Variants in PACRG observed in about 807,000 individuals in gnomAD.
The protein encoded by PACRG is parkin coregulated.
A neutral mutation model predicts 29.7 loss-of-function variants in PACRG; 29 were observed. That is an observed-to-expected ratio of 0.98 (90% confidence interval 0.73 to 1.33). The LOEUF (loss-of-function observed/expected upper bound fraction) is 1.33. PACRG is among the 40% of genes most tolerant of loss of function. PACRG has a pLI of 0.00. For synonymous variants in PACRG, 116 were observed against 118.7 expected (o/e 0.98, Z 0.15); for missense variants, 279 against 316.2 (o/e 0.88, Z 0.89).
chr6:162,822,894 T>TTATAACATATATGTATATGTATAACA (rs1787960688), intron 2 of PACRG, among the ~76,000 whole-genome samples: 1 of 152,176 alleles, frequency 6.6e-6, no homozygotes, highest in Non-Finnish European at 1.5e-5. Flanking sequence ...ATAACATGTA[T>TTATAACATATATGTATATGTATAACA]TATAACATAT....
intron 2 of PACRG, among the ~76,000 whole-genome samples, chr6:162,883,305 T>C (rs565418121): frequency 4.9e-4 from 74 of 152,324 alleles, no homozygotes; most frequent in African/African-American, 1.8e-3. Flanking sequence ...ATGACACAGC[T>C]TGTTGGGGCC....
At chr6:163,192,182 C>G (rs1002505806) in intron 4 of PACRG, among the ~76,000 whole-genome samples, 2 of 152,134 alleles carry the variant, frequency 1.3e-5, no homozygotes, top group Non-Finnish European at 2.9e-5. Flanking sequence ...GGGAGAAAAT[C>G]TGTAGTGAAT....
At chr6:163,297,542 A>G (rs1395292589) in intron 4 of PACRG, among the ~76,000 whole-genome samples, 1 of 152,126 alleles carries the variant, frequency 6.6e-6, no homozygotes, top group East Asian at 1.9e-4. Context: ...GGCTTCCTAG[A>G]GCTCAAGAGC....
chr6:162,947,625 T>TATATATATATATATATATAATC (rs1799317159), intron 2 of PACRG, among the ~76,000 whole-genome samples: 1 of 53,386 alleles, frequency 1.9e-5, no homozygotes, highest in Non-Finnish European at 3.6e-5. Flanking sequence ...TATATATATA[T>TATATATATATATATATATAATC]ATATATATAT....
intron 4 of PACRG, among the ~76,000 whole-genome samples, chr6:163,207,310 A>G (rs1409612187): frequency 6.6e-6 from 1 of 152,198 alleles, no homozygotes; most frequent in Non-Finnish European, 1.5e-5. Context: ...ACCACAGCCT[A>G]TTAAGTTTCT....
chr6:162,824,343 T>C (rs1375803708), intron 2 of PACRG, among the ~76,000 whole-genome samples: 1 of 151,820 alleles, frequency 6.6e-6, no homozygotes, highest in African/African-American at 2.4e-5. Flanking sequence ...TCAGAAAGTG[T>C]GGGAGAGATG....
chr6:163,283,744 T>C (rs1037557571), intron 4 of PACRG, among the ~76,000 whole-genome samples: 4 of 144,782 alleles, frequency 2.8e-5, no homozygotes, highest in African/African-American at 1.0e-4. Flanking sequence ...GAGCTTGCAG[T>C]GAGCCGAGAT....
intron 2 of PACRG, among the ~76,000 whole-genome samples, chr6:163,014,212 G>GCCACATTT: frequency 6.6e-6 from 1 of 152,208 alleles, no homozygotes; most frequent in African/African-American, 2.4e-5. Flanking sequence ...CTGCAAAGTA[G>GCCACATTT]TCTATGGTGT....
chr6:163,195,240 A>G (rs1485889048), intron 4 of PACRG, among the ~76,000 whole-genome samples: 2 of 152,248 alleles, frequency 1.3e-5, no homozygotes, highest in Non-Finnish European at 2.9e-5. Context: ...CTCACATTTC[A>G]TTATCGTGAA....
At chr6:163,248,825 T>C (rs1209058377) in intron 4 of PACRG, among the ~76,000 whole-genome samples, 1 of 152,036 alleles carries the variant, frequency 6.6e-6, no homozygotes, top group Non-Finnish European at 1.5e-5. Flanking sequence ...CCATCCTGGC[T>C]AACATGGTGA....
intron 4 of PACRG, among the ~76,000 whole-genome samples, chr6:163,159,379 A>T (rs1314700277): frequency 6.6e-6 from 1 of 150,536 alleles, no homozygotes; most frequent in African/African-American, 2.4e-5. Flanking sequence ...ATTTATTGTT[A>T]TATTAGTTCT....
chr6:162,821,801 G>A (rs895500932), intron 2 of PACRG, among the ~76,000 whole-genome samples: 1 of 152,080 alleles, frequency 6.6e-6, no homozygotes, highest in East Asian at 1.9e-4. Context: ...TGAACAGTTC[G>A]CTCCTGTCTT....
chr6:162,787,992 C>T (rs1784644115), intron 1 of PACRG, among the ~76,000 whole-genome samples: 2 of 152,130 alleles, frequency 1.3e-5, no homozygotes, highest in African/African-American at 4.8e-5. Context: ...CAGTGTGGTA[C>T]GTTTGTTACA....
chr6:163,182,111 G>A (rs1002354776), intron 4 of PACRG, among the ~76,000 whole-genome samples: 4 of 152,150 alleles, frequency 2.6e-5, no homozygotes, highest in African/African-American at 9.7e-5. Context: ...TTCTTCTTGC[G>A]GTTTCAGTTG....
chr6:162,917,965 C>CTG (rs1299499487), intron 2 of PACRG, among the ~76,000 whole-genome samples: 1 of 152,180 alleles, frequency 6.6e-6, no homozygotes, highest in Non-Finnish European at 1.5e-5. Flanking sequence ...AAGGTGCAAA[C>CTG]TGTGTGCTCA....
chr6:163,289,692 G>A (rs147848445), intron 4 of PACRG, among the ~76,000 whole-genome samples: 1 of 152,216 alleles, frequency 6.6e-6, no homozygotes, highest in Non-Finnish European at 1.5e-5. Flanking sequence ...ACTAGTCCAG[G>A]AGGGAGTTAT....
rs377233132 is a variant in PACRG, at chr6:163,212,830, T to G, written c.614-101997T>G. Among the ~76,000 whole-genome samples the G allele has an allele frequency of 3.7e-4, 56 of 151,792 alleles. 2 individuals carry two copies. Among genetic ancestry groups the G allele is most frequent in the South Asian group, 3.5e-3 (17 of 4,804 alleles). On this transcript the variant is annotated intron_variant, in intron 4 of 4. Coordinates refer to ENST00000366888, the MANE Select transcript of PACRG (RefSeq NM_001080379.2). The stretch of plus-strand genomic sequence containing the variant: ...AGTCTCGCTCATCGCCCAGGCTGGA[T>G]TGCAGTGGCACGATCTCGGCTCACT...
At chr6:162,941,441 G>A (rs977251233) in intron 2 of PACRG, among the ~76,000 whole-genome samples, 1 of 152,172 alleles carries the variant, frequency 6.6e-6, no homozygotes, top group Admixed American at 6.5e-5. Context: ...AATTTCACTG[G>A]AGGTTTGGGG....
At chr6:163,001,767 A>G (rs1016802044) in intron 2 of PACRG, among the ~76,000 whole-genome samples, 4 of 152,184 alleles carry the variant, frequency 2.6e-5, no homozygotes. Flanking sequence ...TTCACACAAT[A>G]AAATATAGAA....
Sources: allele counts gnomAD v4.1 joint callset (sites outside exome capture counted in the v4.1 genomes callset), GRCh38; gene constraint gnomAD v4.1.1; transcripts MANE v1.5; gene names NCBI Gene and HGNC (gene_info 2026-07-23, HGNC 2026-07-21).